The following KCTD7 variants were observed in gnomAD, a reference collection of about 807,000 sequenced individuals.
The protein encoded by KCTD7 is BTB/POZ domain-containing protein KCTD7.
In KCTD7, 15 loss-of-function variants were observed where a neutral mutation model predicts 27.0. The observed-to-expected ratio is 0.56, with a 90% CI of 0.37 to 0.86. The LOEUF (loss-of-function observed/expected upper bound fraction) is 0.86, where lower values mean the gene tolerates loss of function less well. KCTD7 is among the 40% of genes least tolerant of loss of function. KCTD7 has a pLI of 0.00. For synonymous variants in KCTD7, 159 were observed against 162.7 expected, an observed-to-expected ratio of 0.98 and a Z score of 0.17; for missense variants, 299 against 398.9, an observed-to-expected ratio of 0.75 and a Z score of 2.13.
chr7:66,639,685 G>T lies in KCTD7; in HGVS notation c.*453G>T. 3 of 1,256,788 alleles carry T rather than the reference G, an allele frequency of 2.4e-6. No homozygotes were observed. The highest frequency in any genetic ancestry group is 3.0e-6 in the Non-Finnish European group (3 of 1,001,826). 77.9% of individuals were successfully genotyped at this position (1,256,788 alleles called of 1,614,324 possible). ...GGTGTGAACACGGAACATGATGGGG[G>T]ATTTACCTGACCAGCCACCCCATAG... On this transcript the variant is annotated 3_prime_UTR_variant, in exon 4 of 4. Transcript: ENST00000639828.
rs1786664936 is a variant in KCTD7, at chr7:66,639,494, T to C, written c.*262T>C. ...TCCTCAAGGCATGGTAGTCTTTCCT[T>C]GAGGCTGATAGCTAGGGCTTGACCA... On this transcript the variant is annotated 3_prime_UTR_variant, in exon 4 of 4. Coordinates refer to ENST00000639828, the MANE Select transcript of KCTD7 (RefSeq NM_153033.5). 1 of 1,407,374 alleles carries C rather than the reference T, an allele frequency of 7.1e-7. No individual in the cohort carries two copies. Among genetic ancestry groups the C allele is most frequent in the African/African-American group, 1.4e-5 (1 of 69,342 alleles). 87.2% of individuals were successfully genotyped at this position (1,407,374 alleles called of 1,614,324 possible).
chr7:66,632,690 A>G (rs1786479212), intron 1 of KCTD7, among the ~76,000 whole-genome samples: 1 of 152,128 alleles, frequency 6.6e-6, no homozygotes, highest in South Asian at 2.1e-4. Flanking sequence ...GTGAAAGGAC[A>G]CTGAAGGCTT....
At chr7:66,630,667 A>G (rs1404767896) in intron 1 of KCTD7, among the ~76,000 whole-genome samples, 1 of 152,206 alleles carries the variant, frequency 6.6e-6, no homozygotes, top group African/African-American at 2.4e-5. Context: ...ATGAGCAAAA[A>G]TCTAGAAGTA....
chr7:66,633,551 A>C (rs1786505648), intron 2 of KCTD7, 107 bp downstream of exon 2: 1 of 1,081,802 alleles, frequency 9.2e-7, no homozygotes, highest in Admixed American at 1.9e-5. Context: ...AGGAGATAGC[A>C]TATTGATGAA....
In KCTD7 at chr7:66,641,043, G is replaced by T. The variant is rs896626540; in HGVS notation, c.*1811G>T. On this transcript the variant is annotated 3_prime_UTR_variant, in exon 4 of 4. Transcript: ENST00000639828. ...TATGTGTAAACAAAGATTCCAGGGC[G>T]TGGTTTTGCACTCCTGTTGTACTCT... 1 of 985,276 alleles carries T rather than the reference G, an allele frequency of 1.0e-6. No homozygotes were observed. Among genetic ancestry groups the T allele is most frequent in the Non-Finnish European group, 1.2e-6 (1 of 829,958 alleles). The allele number at this position is 985,276 out of a possible 1,614,324, so 61.0% of individuals were successfully genotyped here.
At position 66,628,942 on chromosome 7, in the gene KCTD7, T is replaced by C; in HGVS notation, c.-123T>C. 1 of 1,013,284 alleles carries C rather than the reference T, an allele frequency of 9.9e-7. No homozygotes were observed. The highest frequency in any genetic ancestry group is 1.3e-6 in the Non-Finnish European group (1 of 757,012). The allele number at this position is 1,013,284 out of a possible 1,614,324, so 62.8% of individuals were successfully genotyped here. On this transcript the variant is annotated 5_prime_UTR_variant, in exon 1 of 4. Coordinates refer to ENST00000639828, the MANE Select transcript of KCTD7 (RefSeq NM_153033.5). Reference sequence around the variant, plus strand: ...CGCCCTCCCGCCTGCGCACTGCCTCTCGCCCCCCTCCGGCCAGCCCGCAGC... The same window carrying C: ...CGCCCTCCCGCCTGCGCACTGCCTCCCGCCCCCCTCCGGCCAGCCCGCAGC...
At chr7:66,632,956 G>A (rs1387848719) in intron 1 of KCTD7, among the ~76,000 whole-genome samples, 2 of 151,912 alleles carry the variant, frequency 1.3e-5, no homozygotes, top group Non-Finnish European at 2.9e-5. Flanking sequence ...ACTCCGGGAG[G>A]CTGAGGCAGG....
intron 1 of KCTD7, 42 bp downstream of exon 1, chr7:66,629,250 G>C: frequency 7.9e-7 from 1 of 1,273,132 alleles, no homozygotes; most frequent in African/African-American, 1.6e-5. Flanking sequence ...GGGGAGGGGC[G>C]CGGGGGAGAA....
At position 66,640,329 on chromosome 7, in the gene KCTD7, C is replaced by G. The variant is rs1786686732; in HGVS notation, c.*1097C>G. On this transcript the variant is annotated 3_prime_UTR_variant, in exon 4 of 4. Coordinates refer to ENST00000639828, the MANE Select transcript of KCTD7 (RefSeq NM_153033.5). Reference sequence around the variant, plus strand: ...CACTCCTCTATTTTTGTTTTACTCACTTCTTTATATTTTGTTTTACTCCTC... The same window carrying G: ...CACTCCTCTATTTTTGTTTTACTCAGTTCTTTATATTTTGTTTTACTCCTC... The G allele has an allele frequency of 6.5e-7, 1 of 1,535,608 alleles. No individual in the cohort carries two copies. Among genetic ancestry groups the G allele is most frequent in the African/African-American group, 1.4e-5 (1 of 72,980 alleles).
chr7:66,629,300 G>C, intron 1 of KCTD7, 92 bp downstream of exon 1: 1 of 763,370 alleles, frequency 1.3e-6, no homozygotes, highest in Non-Finnish European at 1.7e-6. Context: ...GGTGGGCGGG[G>C]CCGGGGTTGG....
At chr7:66,638,829 T>G in intron 3 of KCTD7, 27 bp from the exon 4 acceptor site, 1 of 1,613,444 alleles carries the variant, frequency 6.2e-7, no homozygotes, top group African/African-American at 1.3e-5. Context: ...TTCACCCTAG[T>G]GATAGGTGTT....
intron 1 of KCTD7, among the ~76,000 whole-genome samples, chr7:66,632,772 A>G (rs989523891): frequency 4.0e-5 from 6 of 151,694 alleles, no homozygotes; most frequent in Admixed American, 3.9e-4. Flanking sequence ...GGCCAGGCAC[A>G]GTGGCTCATG....
intron 2 of KCTD7, among the ~76,000 whole-genome samples, chr7:66,634,364 C>T (rs556706103): frequency 3.3e-5 from 5 of 149,730 alleles, no homozygotes; most frequent in African/African-American, 4.9e-5. Flanking sequence ...GTTTTTTTTT[C>T]GGGGGCTGTT....
chr7:66,631,041 G>A (rs10263935), intron 1 of KCTD7, among the ~76,000 whole-genome samples: 76,945 of 152,032 alleles, frequency 0.51, 20,429 homozygotes, highest in African/African-American at 0.66. Flanking sequence ...CAGAATAAGC[G>A]CAAGGCATTT....
chr7:66,639,586 C>T lies in KCTD7; in HGVS notation c.*354C>T, dbSNP rs540871291. ...AGAGTTTCTGCCCATTTTAGAGCCA[C>T]GTTACCAAATCGATGTAGGCCTAAT... On this transcript the variant is annotated 3_prime_UTR_variant, in exon 4 of 4. Coordinates refer to ENST00000639828, the MANE Select transcript of KCTD7 (RefSeq NM_153033.5). 24 of 1,350,302 alleles carry T rather than the reference C, an allele frequency of 1.8e-5. No homozygotes were observed. The highest frequency in any genetic ancestry group is 2.8e-4 in the Middle Eastern group (1 of 3,524). The allele number at this position is 1,350,302 out of a possible 1,614,324, so 83.6% of individuals were successfully genotyped here. A position where few individuals can be genotyped will look rare whatever the true frequency, so the allele number is the denominator to read the frequency against.
chr7:66,638,176 T>G (rs183127151), intron 2 of KCTD7, 77 bp from the exon 3 acceptor site: 29 of 1,490,306 alleles, frequency 1.9e-5, no homozygotes, highest in Admixed American at 5.0e-5. Flanking sequence ...GGTTTTAGAT[T>G]TTGTCCAATG....
At position 66,638,897 on chromosome 7, in the gene KCTD7, G is replaced by T; in HGVS notation, c.535G>T (p.Val179Phe). 6.2e-7 allele frequency: 1 copy of T among 1,614,080 alleles called. No individual in the cohort carries two copies. The highest frequency in any genetic ancestry group is 1.1e-5 in the South Asian group (1 of 91,084). The change falls in exon 4 of 4, where the codon GTC (valine) becomes TTC (phenylalanine). Residue 179 changes from valine (V) to phenylalanine (F), a missense_variant. Physicochemically the swap from Val to Phe is conservative, Grantham distance 50. Transcript: ENST00000639828. ...RIVEIARLRA[V>F]QRKARFAKLK... ...TGTGGAGATCGCCCGGCTGCGTGCG[G>T]TCCAGCGGAAGGCCCGCTTTGCCAA...
downstream of KCTD7, chr7:66,643,072 T>C (rs1237079888): frequency 1.0e-5 from 10 of 985,350 alleles, no homozygotes; most frequent in African/African-American, 1.7e-5. Context: ...CTTTCTTTTT[T>C]AGAGATGTGC....
rs1786683973 is a variant in KCTD7 at position 66,640,208 on chromosome 7, A to T, written c.*976A>T. ...CCTGGTAACATTCTCCTTCTAGGAG[A>T]GCCTCTCTTCTGAGAAGGTAAAGGA... On this transcript the variant is annotated 3_prime_UTR_variant, in exon 4 of 4. Coordinates refer to ENST00000639828, the MANE Select transcript of KCTD7 (RefSeq NM_153033.5). 1 of 1,445,382 alleles carries T rather than the reference A, an allele frequency of 6.9e-7. No individual in the cohort carries two copies. The highest frequency in any genetic ancestry group is 9.0e-7 in the Non-Finnish European group (1 of 1,107,464). 89.5% of individuals were successfully genotyped at this position (1,445,382 alleles called of 1,614,324 possible).
Sources: gnomAD v4.1 joint callset for allele counts (sites outside exome capture counted in the v4.1 genomes callset) on GRCh38, gnomAD v4.1.1 for gene constraint, MANE v1.5 for transcripts, NCBI Gene and HGNC (gene_info 2026-07-23, HGNC 2026-07-21) for gene names.